Variants in ABTB3 observed in about 807,000 individuals in gnomAD.
The protein encoded by ABTB3 is ankyrin repeat- and BTB/POZ domain-containing protein 3.
the ABTB3 span, among the ~76,000 whole-genome samples, chr12:107,583,998 C>G: frequency 6.6e-6 from 1 of 152,178 alleles, no homozygotes; most frequent in African/African-American, 2.4e-5. Context: ...ATTCAGTTAG[C>G]TTACCTAAAT....
chr12:107,516,494 A>T, the ABTB3 span, among the ~76,000 whole-genome samples: 1 of 152,130 alleles, frequency 6.6e-6, no homozygotes, highest in Admixed American at 6.5e-5. Context: ...GGCCTCCCAA[A>T]GTGCTGGGAT....
chr12:107,347,790 C>T, the ABTB3 span, among the ~76,000 whole-genome samples: 5 of 152,270 alleles, frequency 3.3e-5, no homozygotes, highest in African/African-American at 1.2e-4. Context: ...GTCACAAGGT[C>T]ACCCTGCCAA....
the ABTB3 span, among the ~76,000 whole-genome samples, chr12:107,499,339 A>G: frequency 2.0e-5 from 3 of 150,166 alleles, no homozygotes; most frequent in African/African-American, 7.5e-5. Flanking sequence ...TTACACACAC[A>G]GAGAGACACA....
the ABTB3 span, among the ~76,000 whole-genome samples, chr12:107,330,234 TA>T: frequency 6.6e-6 from 1 of 152,132 alleles, no homozygotes; most frequent in Admixed American, 6.5e-5. Flanking sequence ...AGCAGGCTTT[TA>T]TAGAGGGCAC....
At chr12:107,580,748 G>A in the ABTB3 span, 4 of 1,381,774 alleles carry the variant, frequency 2.9e-6, no homozygotes, top group Non-Finnish European at 2.9e-6. Context: ...GCCCCAAATA[G>A]AAATAACACG....
chr12:107,569,348 G>A, the ABTB3 span, among the ~76,000 whole-genome samples: 1 of 152,144 alleles, frequency 6.6e-6, no homozygotes. Context: ...AAGACTTTGA[G>A]ATGTGTTTCT....
the ABTB3 span, among the ~76,000 whole-genome samples, chr12:107,385,363 T>G: frequency 6.6e-6 from 1 of 152,224 alleles, no homozygotes; most frequent in East Asian, 1.9e-4. Context: ...AAGCAGGCAA[T>G]GCAAAGGTGT....
chr12:107,442,195 C>T, the ABTB3 span, among the ~76,000 whole-genome samples: 16 of 152,106 alleles, frequency 1.1e-4, no homozygotes, highest in African/African-American at 3.9e-4. Context: ...ACTCAGTAAA[C>T]GTTAGCTAAA....
chr12:107,321,651 A>G, the ABTB3 span, among the ~76,000 whole-genome samples: 1 of 152,086 alleles, frequency 6.6e-6, no homozygotes, highest in South Asian at 2.1e-4. Context: ...ATCGACTAAG[A>G]TGGAAACATC....
the ABTB3 span, among the ~76,000 whole-genome samples, chr12:107,333,740 A>T: frequency 6.6e-6 from 1 of 152,220 alleles, no homozygotes; most frequent in East Asian, 1.9e-4. Context: ...CATAGAAAAA[A>T]ATCATTGCCT....
the ABTB3 span, among the ~76,000 whole-genome samples, chr12:107,351,245 A>C: frequency 1.3e-5 from 2 of 152,102 alleles, no homozygotes; most frequent in African/African-American, 4.8e-5. Flanking sequence ...GCCATTTTAC[A>C]TATTGTAGAC....
At chr12:107,493,089 A>T in the ABTB3 span, among the ~76,000 whole-genome samples, 1 of 152,162 alleles carries the variant, frequency 6.6e-6, no homozygotes, top group African/African-American at 2.4e-5. Flanking sequence ...AAAGAAAAAA[A>T]AAAAAAGTCT....
chr12:107,423,102 G>A, the ABTB3 span, among the ~76,000 whole-genome samples: 1 of 152,204 alleles, frequency 6.6e-6, no homozygotes, highest in Non-Finnish European at 1.5e-5. Context: ...GGAATCGGGA[G>A]TGGTGGCAGA....
the ABTB3 span, chr12:107,642,163 A>G: frequency 1.2e-6 from 2 of 1,613,906 alleles, no homozygotes; most frequent in East Asian, 2.2e-5. Context: ...GAAATACTCC[A>G]TCTTTCAGGT....
At chr12:107,384,361 A>G in the ABTB3 span, among the ~76,000 whole-genome samples, 5 of 152,190 alleles carry the variant, frequency 3.3e-5, no homozygotes, top group African/African-American at 1.2e-4. Context: ...TCTAACGAGG[A>G]GCAAGAAGCC....
At chr12:107,566,686 A>ACACACACAC in the ABTB3 span, among the ~76,000 whole-genome samples, 7 of 91,114 alleles carry the variant, frequency 7.7e-5, no homozygotes, top group African/African-American at 3.3e-4. Context: ...CACACACACA[A>ACACACACAC]ACATCTTTAC....
chr12:107,386,890 AGTGTGTGTGTGT>A, the ABTB3 span, among the ~76,000 whole-genome samples: 477 of 143,348 alleles, frequency 3.3e-3, 4 homozygotes, highest in African/African-American at 0.01. Flanking sequence ...GGAAATGGAA[AGTGTGTGTGTGT>A]GTGTGTGTGT....
chr12:107,568,423 A>T, the ABTB3 span, among the ~76,000 whole-genome samples: 1 of 152,156 alleles, frequency 6.6e-6, no homozygotes, highest in African/African-American at 2.4e-5. Flanking sequence ...CCCCCTTCCC[A>T]CTACCCTACT....
At chr12:107,539,431 T>C in the ABTB3 span, among the ~76,000 whole-genome samples, 2 of 152,282 alleles carry the variant, frequency 1.3e-5, no homozygotes, top group South Asian at 2.1e-4. Flanking sequence ...CCTTTTTTTT[T>C]CTTCCTCCCA....
Sources: allele counts gnomAD v4.1 joint callset (sites outside exome capture counted in the v4.1 genomes callset), GRCh38; gene constraint gnomAD v4.1.1; transcripts MANE v1.5; gene names NCBI Gene and HGNC (gene_info 2026-07-23, HGNC 2026-07-21).